Variants in CNTNAP2 observed in about 807,000 individuals in gnomAD.
CNTNAP2 encodes the protein contactin associated protein 2, also known as contactin-associated protein-like 2.
Under a neutral mutation model 155.2 loss-of-function variants are expected in CNTNAP2, and 98 were observed. That is an observed-to-expected ratio of 0.63 (90% CI 0.54 to 0.75). The LOEUF is 0.75. Ranked by LOEUF, CNTNAP2 falls within the 30% of genes least tolerant of loss-of-function variation. CNTNAP2 has a pLI of 0.00. For missense variants in CNTNAP2, 1,727 were observed against 1,688.1 expected (o/e 1.02, Z -0.40); for synonymous variants, 651 against 631.2 (o/e 1.03, Z -0.47).
At chr7:147,598,303 G>A (rs1259243956) in intron 12 of CNTNAP2, among the ~76,000 whole-genome samples, 1 of 151,948 alleles carries the variant, frequency 6.6e-6, no homozygotes, top group African/African-American at 2.4e-5. Context: ...GCATGTATTA[G>A]GTATTTGTCC....
At chr7:147,301,835 A>T (rs1303184849) in intron 9 of CNTNAP2, among the ~76,000 whole-genome samples, 2 of 152,174 alleles carry the variant, frequency 1.3e-5, no homozygotes, top group African/African-American at 4.8e-5. Context: ...GAGGAAACAG[A>T]GGAGGCCCTA....
chr7:146,766,618 C>T (rs1416132376), intron 1 of CNTNAP2, among the ~76,000 whole-genome samples: 1 of 152,124 alleles, frequency 6.6e-6, no homozygotes, highest in Admixed American at 6.6e-5. Flanking sequence ...TCTGAAGCCT[C>T]CTCATCTATA....
At chr7:148,277,680 T>A (rs1409813233) in intron 21 of CNTNAP2, among the ~76,000 whole-genome samples, 1 of 149,846 alleles carries the variant, frequency 6.7e-6, no homozygotes, top group Non-Finnish European at 1.5e-5. Flanking sequence ...CTTGGTCCCA[T>A]CCGTCATCCT....
intron 20 of CNTNAP2, among the ~76,000 whole-genome samples, chr7:148,239,580 T>A (rs1055869277): frequency 6.6e-6 from 1 of 152,228 alleles, no homozygotes; most frequent in Non-Finnish European, 1.5e-5. Flanking sequence ...GCCTCTGGTT[T>A]TGGGTTGAGC....
At chr7:147,482,872 C>A (rs1413555424) in intron 10 of CNTNAP2, among the ~76,000 whole-genome samples, 1 of 151,718 alleles carries the variant, frequency 6.6e-6, no homozygotes, top group African/African-American at 2.4e-5. Flanking sequence ...ATGGTGAAAC[C>A]CTGTCTCTAA....
chr7:147,127,350 A>G (rs1352715707), intron 6 of CNTNAP2, among the ~76,000 whole-genome samples: 1 of 151,848 alleles, frequency 6.6e-6, no homozygotes, highest in Non-Finnish European at 1.5e-5. Flanking sequence ...ATTATTAATA[A>G]TAATTGATTT....
chr7:147,385,158 G>T (rs891723115), intron 9 of CNTNAP2, among the ~76,000 whole-genome samples: 1 of 152,158 alleles, frequency 6.6e-6, no homozygotes, highest in Non-Finnish European at 1.5e-5. Flanking sequence ...CCATGCCCAA[G>T]ATTCAATTAC....
intron 8 of CNTNAP2, among the ~76,000 whole-genome samples, chr7:147,226,552 A>G (rs758734484): frequency 2.6e-5 from 4 of 151,986 alleles, no homozygotes; most frequent in Non-Finnish European, 5.9e-5. Flanking sequence ...AAAAATCATT[A>G]GAGGAAACTT....
intron 1 of CNTNAP2, among the ~76,000 whole-genome samples, chr7:146,381,899 A>G (rs1040624162): frequency 1.5e-4 from 23 of 152,146 alleles, no homozygotes; most frequent in African/African-American, 5.3e-4. Flanking sequence ...CATTTGTCCC[A>G]GGGAAAATCA....
chr7:146,626,618 G>T (rs1041929663), intron 1 of CNTNAP2, among the ~76,000 whole-genome samples: 4 of 152,204 alleles, frequency 2.6e-5, no homozygotes, highest in Middle Eastern at 6.8e-3. Flanking sequence ...GAAACTCAAT[G>T]TATCCAATGC....
At chr7:148,360,846 G>A (rs907306082) in intron 21 of CNTNAP2, among the ~76,000 whole-genome samples, 1 of 120,264 alleles carries the variant, frequency 8.3e-6, no homozygotes, top group Non-Finnish European at 1.7e-5. Flanking sequence ...TTTCTCTCTT[G>A]TTGCCCAGGC....
rs866167014 is a variant in CNTNAP2 at position 147,637,369 on chromosome 7, C to T, written c.1898-1737C>T. Among the ~76,000 whole-genome samples, 4 of 152,170 alleles carry T rather than the reference C, an allele frequency of 2.6e-5. No homozygotes were observed. The South Asian group carries it at 6.2e-4, about 24-fold the overall frequency. On this transcript the variant is annotated intron_variant, in intron 12 of 23. Coordinates refer to ENST00000361727, the MANE Select transcript of CNTNAP2 (RefSeq NM_014141.6). ...AGGTAGAGCAGAGAGGATTCATGGGCAGGCTTGATGATGAATGCAGAAGAA... is the reference window on the plus strand; with the variant it reads ...AGGTAGAGCAGAGAGGATTCATGGGTAGGCTTGATGATGAATGCAGAAGAA...
chr7:146,556,065 C>T (rs1446071153), intron 1 of CNTNAP2, among the ~76,000 whole-genome samples: 2 of 152,154 alleles, frequency 1.3e-5, no homozygotes, highest in African/African-American at 4.8e-5. Flanking sequence ...ATTTTATCAG[C>T]AACGTTTATT....
intron 1 of CNTNAP2, among the ~76,000 whole-genome samples, chr7:146,333,463 C>T (rs1801219193): frequency 6.6e-6 from 1 of 151,858 alleles, no homozygotes; most frequent in Admixed American, 6.6e-5. Context: ...TATCTCATGC[C>T]CGGAAAAAAA....
At chr7:148,160,427 A>T (rs1396487141) in intron 17 of CNTNAP2, among the ~76,000 whole-genome samples, 2 of 152,016 alleles carry the variant, frequency 1.3e-5, no homozygotes, top group South Asian at 2.1e-4. Context: ...AAAAAAAAGA[A>T]AAAAGATAAT....
At chr7:146,385,559 C>T (rs1795448420) in intron 1 of CNTNAP2, among the ~76,000 whole-genome samples, 1 of 152,122 alleles carries the variant, frequency 6.6e-6, no homozygotes, top group African/African-American at 2.4e-5. Context: ...ATTTAAAGTC[C>T]AGCCAAGTAA....
chr7:146,159,514 C>T (rs1468791790), intron 1 of CNTNAP2, among the ~76,000 whole-genome samples: 1 of 152,026 alleles, frequency 6.6e-6, no homozygotes, highest in Non-Finnish European at 1.5e-5. Context: ...TGCAGAGACA[C>T]ACATAGGCTC....
chr7:146,679,013 GTTTTAAC>G (rs1304214116), intron 1 of CNTNAP2, among the ~76,000 whole-genome samples: 1 of 152,034 alleles, frequency 6.6e-6, no homozygotes, highest in Admixed American at 6.5e-5. Flanking sequence ...GGTGTTCTTT[GTTTTAAC>G]TTTTAAGTTC....
chr7:148,057,986 A>ATTATTATTG (rs1253910085), intron 15 of CNTNAP2, among the ~76,000 whole-genome samples: 1 of 147,790 alleles, frequency 6.8e-6, no homozygotes, highest in East Asian at 2.0e-4. Context: ...TATTATTATT[A>ATTATTATTG]TTGTTATTAT....
Sources: allele counts gnomAD v4.1 joint callset (sites outside exome capture counted in the v4.1 genomes callset), GRCh38; gene constraint gnomAD v4.1.1; transcripts MANE v1.5; gene names NCBI Gene and HGNC (gene_info 2026-07-23, HGNC 2026-07-21).